OPA3: variants seen among roughly 807,000 people sequenced by gnomAD.
OPA3 encodes outer mitochondrial membrane lipid metabolism regulator OPA3.
OPA3 carries 6 observed loss-of-function variants against 4.0 expected under a neutral mutation model. The ratio of observed to expected loss-of-function variants is 1.51; its 90% confidence interval spans 0.83 to 2.99. The LOEUF (loss-of-function observed/expected upper bound fraction) is 2.99. OPA3 is among the 30% of genes most tolerant of loss of function. The pLI, the probability that OPA3 is intolerant of heterozygous loss-of-function variation, is 0.00. For synonymous variants in OPA3, 105 were observed against 117.1 expected, an observed-to-expected ratio of 0.90 and a Z score of 0.67; for missense variants, 235 against 256.2, an observed-to-expected ratio of 0.92 and a Z score of 0.56.
chr19:45,557,342 A>T (rs1969436810), intron 1 of OPA3, among the ~76,000 whole-genome samples: 1 of 152,092 alleles, frequency 6.6e-6, no homozygotes, highest in African/African-American at 2.4e-5. Context: ...CCCTCGGGCC[A>T]GCGGTCAGAT....
intron 1 of OPA3, among the ~76,000 whole-genome samples, chr19:45,534,190 C>A (rs947396110): frequency 6.6e-6 from 1 of 152,188 alleles, no homozygotes; most frequent in Non-Finnish European, 1.5e-5. Context: ...CTGCCATTAA[C>A]CCCCTCCAAG....
At chr19:45,559,238 T>A (rs746750175) in intron 1 of OPA3, among the ~76,000 whole-genome samples, 4 of 152,038 alleles carry the variant, frequency 2.6e-5, no homozygotes, top group Non-Finnish European at 4.4e-5. Flanking sequence ...CTGTAATGAC[T>A]TTATCAGGCT....
intron 1 of OPA3, among the ~76,000 whole-genome samples, chr19:45,537,396 C>CAAAAAAAAAAAAA (rs1181396046): frequency 4.8e-4 from 14 of 28,912 alleles, no homozygotes; most frequent in African/African-American, 1.2e-3. Context: ...GACTCTGTCT[C>CAAAAAAAAAAAAA]AAAAAAAAAA....
At chr19:45,557,386 G>A (rs554783854) in intron 1 of OPA3, among the ~76,000 whole-genome samples, 1 of 152,250 alleles carries the variant, frequency 6.6e-6, no homozygotes, top group African/African-American at 2.4e-5. Flanking sequence ...AGGTGGGGAT[G>A]AATCACAGGG....
At chr19:45,537,188 T>TTTTG (rs35820605) in intron 1 of OPA3, among the ~76,000 whole-genome samples, 7,679 of 151,980 alleles carry the variant, frequency 0.051, 245 homozygotes, top group Non-Finnish European at 0.078. Flanking sequence ...CGAACTTGTT[T>TTTTG]TTTGTTTGTT....
intron 1 of OPA3, among the ~76,000 whole-genome samples, chr19:45,530,599 T>A (rs1969049013): frequency 6.6e-6 from 1 of 151,874 alleles, no homozygotes; most frequent in Admixed American, 6.6e-5. Flanking sequence ...AACCTCCACC[T>A]CCCAGGTTCA....
In OPA3 at chr19:45,580,810, G is replaced by C. The variant is rs751083108; in HGVS notation, c.142+3813C>G. On this transcript the variant is annotated intron_variant, in intron 1 of 1. Coordinates refer to ENST00000263275, the MANE Select transcript of OPA3 (RefSeq NM_025136.4). The stretch of plus-strand genomic sequence containing the variant: ...ATTTTGTATTTTGAGTAGAGACAGG[G>C]TTTCACCATGTTGGCCAGGCTGGTC... 4.0e-5 allele frequency among the ~76,000 whole-genome samples: 6 copies of C among 151,784 alleles called. No individual in the cohort carries two copies. The Middle Eastern group carries it at 0.014, about 344-fold the overall frequency.
Position 45,553,037 on chromosome 19 carries a change from G to A in OPA3, c.*477C>T. The A allele has an allele frequency of 9.8e-7, 1 of 1,025,220 alleles. No individual in the cohort carries two copies. Among genetic ancestry groups the A allele is most frequent in the Non-Finnish European group, 1.2e-6 (1 of 853,996 alleles). 63.5% of individuals were successfully genotyped at this position (1,025,220 alleles called of 1,614,324 possible). ...TCAGCTAGAGCTGACCTTAGAAGGT[G>A]AGGGGGAGAAAAGGCCACTGCAACA... is the stretch of plus-strand genomic sequence containing the variant. On this transcript the variant is annotated 3_prime_UTR_variant, in exon 2 of 2. Coordinates refer to ENST00000263275, the MANE Select transcript of OPA3 (RefSeq NM_025136.4).
chr19:45,542,318 G>C (rs1014736029), downstream of OPA3, among the ~76,000 whole-genome samples: 1 of 152,182 alleles, frequency 6.6e-6, no homozygotes, highest in South Asian at 2.1e-4. Flanking sequence ...GCCGTGCACT[G>C]CTTAATGACA....
rs1351919794 is a variant in OPA3, at chr19:45,529,200, G to T, written c.399C>A (p.Leu133=). ...CCTGCACCTGCGCCTGCAACTCCTC[G>T]AGCGCCAGCCCCAAGTGGCCCACCT... Residue 133 remains leucine (L), a synonymous_variant, in exon 2 of 2, where the codon CTC becomes CTA. Coordinates refer to the OPA3 transcript ENST00000323060. 6 of 1,611,442 alleles carry T rather than the reference G, an allele frequency of 3.7e-6. No homozygotes were observed. The Admixed American group carries it at 8.3e-5, about 22-fold the overall frequency.
chr19:45,537,111 T>C (rs1969126724), intron 1 of OPA3, among the ~76,000 whole-genome samples: 1 of 152,098 alleles, frequency 6.6e-6, no homozygotes, highest in African/African-American at 2.4e-5. Flanking sequence ...CCTGCCACCA[T>C]GCCAGGCTAA....
intron 1 of OPA3, among the ~76,000 whole-genome samples, chr19:45,531,943 G>T (rs1969065333): frequency 6.6e-6 from 1 of 152,152 alleles, no homozygotes; most frequent in Non-Finnish European, 1.5e-5. Context: ...TCTGACCTTT[G>T]CCTTTTACTC....
intron 1 of OPA3, among the ~76,000 whole-genome samples, chr19:45,561,898 G>A (rs576399369): frequency 5.0e-4 from 76 of 151,748 alleles, no homozygotes; most frequent in African/African-American, 1.8e-3. Flanking sequence ...CCGAGACCAT[G>A]CCAGTCAGTG....
chr19:45,535,443 C>T (rs1969105314), intron 1 of OPA3, among the ~76,000 whole-genome samples: 1 of 145,856 alleles, frequency 6.9e-6, no homozygotes, highest in South Asian at 2.1e-4. Flanking sequence ...GCAATCATAG[C>T]TTACTGCAGC....
At chr19:45,581,098 C>G (rs541125520) in intron 1 of OPA3, among the ~76,000 whole-genome samples, 63 of 152,276 alleles carry the variant, frequency 4.1e-4, no homozygotes, top group African/African-American at 1.4e-3. Context: ...CTTCTATAAA[C>G]CAGAGGAAGT....
chr19:45,564,203 A>T (rs1329864903), intron 1 of OPA3, among the ~76,000 whole-genome samples: 1 of 150,966 alleles, frequency 6.6e-6, no homozygotes, highest in Non-Finnish European at 1.5e-5. Flanking sequence ...ACTAGGCGGA[A>T]GGGGAGGGAA....
rs1969305536 is a variant in OPA3 at position 45,549,844 on chromosome 19, C to T, written c.*3670G>A. 1 of 985,382 alleles carries T rather than the reference C, an allele frequency of 1.0e-6. No homozygotes were observed. The highest frequency in any genetic ancestry group is 6.2e-5 in the Admixed American group (1 of 16,238). 61.0% of individuals were successfully genotyped at this position (985,382 alleles called of 1,614,324 possible). A position where few individuals can be genotyped will look rare whatever the true frequency, so the allele number is the denominator to read the frequency against. On this transcript the variant is annotated 3_prime_UTR_variant, in exon 2 of 2. Transcript: ENST00000263275. ...AGTTCCCTCTGCTCCAGCTTCTCCC[C>T]CTCTTCCAGAAGGAACTGAAATGCT...
At chr19:45,572,606 T>TC (rs1342561226) in intron 1 of OPA3, among the ~76,000 whole-genome samples, 1 of 97,094 alleles carries the variant, frequency 1.0e-5, no homozygotes, top group Non-Finnish European at 2.3e-5. Context: ...TTGATATATA[T>TC]CATATATATC....
intron 1 of OPA3, among the ~76,000 whole-genome samples, chr19:45,583,832 G>C (rs1483105585): frequency 1.3e-5 from 2 of 152,140 alleles, no homozygotes; most frequent in Non-Finnish European, 2.9e-5. Flanking sequence ...GAGCTCGGGC[G>C]GCCCCCTCTA....
Sources: allele counts gnomAD v4.1 joint callset (sites outside exome capture counted in the v4.1 genomes callset), GRCh38; gene constraint gnomAD v4.1.1; transcripts MANE v1.5; gene names NCBI Gene and HGNC (gene_info 2026-07-23, HGNC 2026-07-21).